The following PPARGC1A variants were observed in gnomAD, a reference collection of about 807,000 sequenced individuals.
PPARGC1A encodes the protein peroxisome proliferator-activated receptor gamma coactivator 1-alpha.
A neutral mutation model predicts 88.7 loss-of-function variants in PPARGC1A; 25 were observed. The ratio of observed to expected loss-of-function variants is 0.28; its 90% confidence interval spans 0.21 to 0.39. The LOEUF (loss-of-function observed/expected upper bound fraction) is 0.39, where lower values mean the gene tolerates loss of function less well. Ranked by LOEUF, PPARGC1A falls within the 10% of genes least tolerant of loss-of-function variation. PPARGC1A has a pLI of 1.00. For missense variants in PPARGC1A, 880 were observed against 968.7 expected (o/e 0.91, Z 1.22); for synonymous variants, 363 against 355.6 (o/e 1.02, Z -0.24).
chr4:23,999,549 C>T, the PPARGC1A span, among the ~76,000 whole-genome samples: 1 of 151,918 alleles, frequency 6.6e-6, no homozygotes, highest in Non-Finnish European at 1.5e-5. Flanking sequence ...GGAAATAAGA[C>T]GAAGAAACAA....
the PPARGC1A span, among the ~76,000 whole-genome samples, chr4:24,309,935 T>C: frequency 1.3e-5 from 2 of 152,174 alleles, no homozygotes; most frequent in African/African-American, 4.8e-5. Flanking sequence ...ATATGAAGTA[T>C]GTAAAGCATT....
the PPARGC1A span, among the ~76,000 whole-genome samples, chr4:24,043,463 G>T: frequency 0.022 from 3,359 of 152,206 alleles, 64 homozygotes; most frequent in Middle Eastern, 0.058. Flanking sequence ...GTTACTGTGG[G>T]TTCCAGGTGA....
chr4:23,936,509 G>A, the PPARGC1A span, among the ~76,000 whole-genome samples: 1,184 of 152,188 alleles, frequency 7.8e-3, 9 homozygotes, highest in African/African-American at 0.027. Flanking sequence ...TGCCAAGGTG[G>A]GCAGATCACC....
At chr4:24,063,901 C>T in the PPARGC1A span, among the ~76,000 whole-genome samples, 137 of 152,224 alleles carry the variant, frequency 9.0e-4, 1 homozygote, top group Admixed American at 4.8e-3. Flanking sequence ...AACTTCATAA[C>T]GCTGATATGG....
chr4:24,311,318 G>T, the PPARGC1A span, among the ~76,000 whole-genome samples: 2 of 146,372 alleles, frequency 1.4e-5, no homozygotes, highest in Admixed American at 1.3e-4. Context: ...AGCCAGGATG[G>T]TCTCGATCTC....
chr4:24,076,813 T>C, the PPARGC1A span, among the ~76,000 whole-genome samples: 2 of 152,114 alleles, frequency 1.3e-5, no homozygotes, highest in Non-Finnish European at 2.9e-5. Context: ...CATTAATATA[T>C]TTCCTTTCTC....
chr4:24,272,949 T>C, the PPARGC1A span, among the ~76,000 whole-genome samples: 4 of 152,348 alleles, frequency 2.6e-5, no homozygotes, highest in Non-Finnish European at 5.9e-5. Flanking sequence ...CCAAATCAAT[T>C]AAAAACCATT....
At chr4:23,932,639 C>T in the PPARGC1A span, among the ~76,000 whole-genome samples, 5 of 151,158 alleles carry the variant, frequency 3.3e-5, no homozygotes, top group African/African-American at 7.3e-5. Context: ...GGTAGCTTAA[C>T]GAATTTTTTT....
At chr4:24,267,408 G>C in the PPARGC1A span, among the ~76,000 whole-genome samples, 1 of 152,206 alleles carries the variant, frequency 6.6e-6, no homozygotes. Context: ...AGTAAATGTA[G>C]GTTCCTTCCC....
At chr4:23,990,665 CAG>C in the PPARGC1A span, among the ~76,000 whole-genome samples, 24,004 of 145,508 alleles carry the variant, frequency 0.16, 1,959 homozygotes, top group South Asian at 0.21. Context: ...GCTCATCACT[CAG>C]GGGTGTATGC....
the PPARGC1A span, among the ~76,000 whole-genome samples, chr4:24,256,291 A>G: frequency 0.26 from 40,073 of 152,040 alleles, 5,636 homozygotes; most frequent in East Asian, 0.44. Context: ...TTTGTCTTGC[A>G]TACCAAAAAA....
chr4:23,901,023 G>A (rs1196649385), upstream of PPARGC1A, among the ~76,000 whole-genome samples: 2 of 151,374 alleles, frequency 1.3e-5, no homozygotes, highest in African/African-American at 2.4e-5. Flanking sequence ...TCAGGAGTTC[G>A]AGACCAGCCT....
At chr4:24,454,462 G>C in the PPARGC1A span, among the ~76,000 whole-genome samples, 1 of 152,138 alleles carries the variant, frequency 6.6e-6, no homozygotes, top group Admixed American at 6.5e-5. Context: ...TGGGCCCAGT[G>C]CAGTGGTTCA....
At chr4:24,392,798 C>T in the PPARGC1A span, among the ~76,000 whole-genome samples, 4 of 152,084 alleles carry the variant, frequency 2.6e-5, no homozygotes, top group East Asian at 1.9e-4. Flanking sequence ...GTTGCCTCAG[C>T]GCGCACAGGC....
chr4:24,370,407 T>A, the PPARGC1A span, among the ~76,000 whole-genome samples: 1 of 152,154 alleles, frequency 6.6e-6, no homozygotes, highest in African/African-American at 2.4e-5. Context: ...TTTACATAGA[T>A]AGATATGACA....
At chr4:24,354,658 G>C in the PPARGC1A span, among the ~76,000 whole-genome samples, 1 of 152,108 alleles carries the variant, frequency 6.6e-6, no homozygotes, top group Non-Finnish European at 1.5e-5. Context: ...AGGCCAAGGC[G>C]TGTGGATCAT....
chr4:24,421,337 G>A, the PPARGC1A span, among the ~76,000 whole-genome samples: 2 of 142,888 alleles, frequency 1.4e-5, no homozygotes, highest in Non-Finnish European at 3.0e-5. Context: ...TTTTAATGGA[G>A]TCTCGCTCTG....
chr4:24,414,219 A>T, the PPARGC1A span, among the ~76,000 whole-genome samples: 1 of 152,198 alleles, frequency 6.6e-6, no homozygotes, highest in African/African-American at 2.4e-5. Context: ...AACATTGCAG[A>T]TTACAAAGCG....
chr4:23,981,187 T>C, the PPARGC1A span, among the ~76,000 whole-genome samples: 2 of 152,024 alleles, frequency 1.3e-5, no homozygotes, highest in East Asian at 1.9e-4. Flanking sequence ...TCCCCATTTA[T>C]AGAGAAGGCA....
Sources: allele counts gnomAD v4.1 joint callset (sites outside exome capture counted in the v4.1 genomes callset), GRCh38; gene constraint gnomAD v4.1.1; transcripts MANE v1.5; gene names NCBI Gene and HGNC (gene_info 2026-07-23, HGNC 2026-07-21).